The following GABRB1 variants were observed in gnomAD, a reference collection of about 807,000 sequenced individuals.
GABRB1 encodes the protein gamma-aminobutyric acid receptor subunit beta-1.
A neutral mutation model predicts 51.6 loss-of-function variants in GABRB1; 17 were observed. That is an observed-to-expected ratio of 0.33 (90% CI 0.23 to 0.49). GABRB1 has a LOEUF of 0.49. Among genes scored for constraint, GABRB1 ranks in the 20% least tolerant of loss-of-function variants. GABRB1 has a pLI of 0.99. For synonymous variants in GABRB1, 247 were observed against 218.9 expected, an observed-to-expected ratio of 1.13 and a Z score of -1.14; for missense variants, 410 against 600.6, an observed-to-expected ratio of 0.68 and a Z score of 3.32.
chr4:47,357,786 C>T (rs1726643001), intron 5 of GABRB1, among the ~76,000 whole-genome samples: 1 of 152,152 alleles, frequency 6.6e-6, no homozygotes, highest in African/African-American at 2.4e-5. Context: ...GGCTTTGTGG[C>T]CTCAGAGCCT....
chr4:47,339,640 T>C (rs1367557134), intron 5 of GABRB1, among the ~76,000 whole-genome samples: 1 of 152,026 alleles, frequency 6.6e-6, no homozygotes, highest in African/African-American at 2.4e-5. Context: ...TCATTAGTTC[T>C]ATCATGCTGA....
At chr4:47,178,999 A>T (rs1718825397) in intron 4 of GABRB1, among the ~76,000 whole-genome samples, 1 of 151,960 alleles carries the variant, frequency 6.6e-6, no homozygotes, top group South Asian at 2.1e-4. Context: ...AAGTTCTGGG[A>T]TACATGTGCA....
At chr4:47,336,998 C>G in intron 5 of GABRB1, among the ~76,000 whole-genome samples, 1 of 152,086 alleles carries the variant, frequency 6.6e-6, no homozygotes, top group Admixed American at 6.5e-5. Context: ...TCACAAAGAA[C>G]TAAGACAGGA....
intron 3 of GABRB1, among the ~76,000 whole-genome samples, chr4:47,066,371 T>G (rs1727082105): frequency 6.6e-6 from 1 of 152,220 alleles, no homozygotes; most frequent in African/African-American, 2.4e-5. Flanking sequence ...ACAATGGTGT[T>G]TGCTGCAGAG....
chr4:47,250,461 G>A (rs1289639241), intron 4 of GABRB1, among the ~76,000 whole-genome samples: 2 of 152,148 alleles, frequency 1.3e-5, no homozygotes, highest in African/African-American at 4.8e-5. Context: ...GAATTTCCCA[G>A]GTGTTCTTTG....
chr4:47,100,920 A>G (rs1479445502), intron 3 of GABRB1, among the ~76,000 whole-genome samples: 1 of 152,010 alleles, frequency 6.6e-6, no homozygotes, highest in African/African-American at 2.4e-5. Flanking sequence ...AAAGTTTAGA[A>G]GAACATAACA....
chr4:47,110,496 T>A (rs1715171406), intron 3 of GABRB1, among the ~76,000 whole-genome samples: 2 of 152,224 alleles, frequency 1.3e-5, no homozygotes, highest in Non-Finnish European at 2.9e-5. Context: ...CCAAAAAATA[T>A]GTTTGTCAAA....
chr4:47,230,643 T>C (rs892595336), intron 4 of GABRB1, among the ~76,000 whole-genome samples: 4 of 152,214 alleles, frequency 2.6e-5, no homozygotes, highest in Non-Finnish European at 5.9e-5. Flanking sequence ...TTGCTAAGTA[T>C]TTTCTCTTAT....
intron 4 of GABRB1, among the ~76,000 whole-genome samples, chr4:47,297,839 T>C (rs1367202767): frequency 2.0e-5 from 3 of 151,798 alleles, no homozygotes; most frequent in Non-Finnish European, 3.0e-5. Context: ...CCTTGATGAA[T>C]ATTGATGCAA....
At chr4:47,203,690 C>T (rs1285095151) in intron 4 of GABRB1, among the ~76,000 whole-genome samples, 3 of 152,076 alleles carry the variant, frequency 2.0e-5, no homozygotes, top group Non-Finnish European at 4.4e-5. Context: ...TGGCACACAG[C>T]ATATCTTCCC....
chr4:47,177,516 T>C (rs1219498504), intron 4 of GABRB1, among the ~76,000 whole-genome samples: 1 of 152,128 alleles, frequency 6.6e-6, no homozygotes, highest in East Asian at 1.9e-4. Flanking sequence ...TTCTACTTGC[T>C]TACCTTAGTG....
chr4:47,200,806 G>T (rs1047911467), intron 4 of GABRB1, among the ~76,000 whole-genome samples: 2 of 152,126 alleles, frequency 1.3e-5, no homozygotes, highest in Non-Finnish European at 2.9e-5. Context: ...TCCTAAGAAA[G>T]TCAGCTCTAG....
chr4:47,001,674 C>A (rs1386247108), intron 1 of GABRB1, among the ~76,000 whole-genome samples: 1 of 152,224 alleles, frequency 6.6e-6, no homozygotes, highest in Non-Finnish European at 1.5e-5. Flanking sequence ...GTCTGCCAGA[C>A]TTCCCTGCAG....
chr4:47,110,269 TAAG>T (rs1715161449), intron 3 of GABRB1, among the ~76,000 whole-genome samples: 1 of 151,992 alleles, frequency 6.6e-6, no homozygotes, highest in South Asian at 2.1e-4. Context: ...ATGTCTCCCT[TAAG>T]AAGATTAAAA....
intron 4 of GABRB1, among the ~76,000 whole-genome samples, chr4:47,281,998 A>T (rs570906447): frequency 1.3e-5 from 2 of 152,180 alleles, no homozygotes; most frequent in Non-Finnish European, 2.9e-5. Flanking sequence ...ATGATGTATT[A>T]TGTATTAGTA....
chr4:47,249,453 C>A (rs1721896064), intron 4 of GABRB1, among the ~76,000 whole-genome samples: 1 of 152,068 alleles, frequency 6.6e-6, no homozygotes, highest in Non-Finnish European at 1.5e-5. Context: ...GGAAAAAGTT[C>A]CATGCACTGT....
chr4:47,053,789 T>C (rs192703667), intron 3 of GABRB1, among the ~76,000 whole-genome samples: 279 of 152,232 alleles, frequency 1.8e-3, no homozygotes, highest in Non-Finnish European at 2.0e-3. Flanking sequence ...CTGAAAGGGG[T>C]GTGAGATCTA....
At chr4:47,170,405 A>G (rs1031202863) in intron 4 of GABRB1, among the ~76,000 whole-genome samples, 2 of 150,832 alleles carry the variant, frequency 1.3e-5, no homozygotes, top group Non-Finnish European at 3.0e-5. Flanking sequence ...ACACACACGC[A>G]CACACACACA....
At chr4:47,391,846 G>A (rs760053197) in intron 5 of GABRB1, among the ~76,000 whole-genome samples, 20 of 152,078 alleles carry the variant, frequency 1.3e-4, no homozygotes, top group Admixed American at 4.6e-4. Flanking sequence ...TCTAGGCATC[G>A]GGAATTTTTT....
Sources: allele counts gnomAD v4.1 joint callset (sites outside exome capture counted in the v4.1 genomes callset), GRCh38; gene constraint gnomAD v4.1.1; transcripts MANE v1.5; gene names NCBI Gene and HGNC (gene_info 2026-07-23, HGNC 2026-07-21).